TJP3: variants seen among roughly 807,000 people sequenced by gnomAD.
TJP3 encodes tight junction protein ZO-3.
TJP3 carries 85 observed loss-of-function variants against 104.2 expected under a neutral mutation model. The ratio of observed to expected loss-of-function variants is 0.82; its 90% CI spans 0.68 to 0.98. The LOEUF is 0.98. TJP3 is among the 50% of genes least tolerant of loss of function. The probability of loss-of-function intolerance (pLI) is 0.00; values close to 1 mark genes in which losing one functional copy is unlikely to be tolerated. For synonymous variants in TJP3, 550 were observed against 550.6 expected (o/e 1.00, Z 0.02); for missense variants, 1,367 against 1,322.8 (o/e 1.03, Z -0.52).
rs199978081 is a variant in TJP3, at chr19:3,748,062, C to G, written c.2591C>G (p.Ser864Trp). 2 of 1,576,014 alleles carry G rather than the reference C, an allele frequency of 1.3e-6. No homozygotes were observed. Among genetic ancestry groups the G allele is most frequent in the Non-Finnish European group, 1.7e-6 (2 of 1,160,844 alleles). ...SQSPRDRGRI[S>W]AHQGAQVDSR... Reference sequence around the variant, plus strand: ...AGCCCGAGGGATCGTGGGAGAATCTCGGCTCATCAGGGGGCCCAGGTGCGT... The same window carrying G: ...AGCCCGAGGGATCGTGGGAGAATCTGGGCTCATCAGGGGGCCCAGGTGCGT... Residue 864 changes from serine to tryptophan, a missense_variant, in exon 19 of 21, where the codon TCG (serine) becomes TGG (tryptophan). Coordinates refer to ENST00000541714, the MANE Select transcript of TJP3 (RefSeq NM_001267560.2).
At chr19:3,708,824 C>A (rs563204186) in intron 1 of TJP3, among the ~76,000 whole-genome samples, 1 of 152,250 alleles carries the variant, frequency 6.6e-6, no homozygotes, top group East Asian at 1.9e-4. Flanking sequence ...ACCTAGGTGG[C>A]GCAGGGACCG....
chr19:3,728,922 G>C (rs143712840), intron 3 of TJP3, among the ~76,000 whole-genome samples: 2 of 152,124 alleles, frequency 1.3e-5, no homozygotes, highest in Non-Finnish European at 2.9e-5. Flanking sequence ...ATGTGGTAGC[G>C]TGTTCCTGTA....
intron 1 of TJP3, among the ~76,000 whole-genome samples, chr19:3,726,554 G>A (rs554895119): frequency 1.3e-5 from 2 of 151,966 alleles, no homozygotes; most frequent in African/African-American, 4.8e-5. Flanking sequence ...AGCCAAGTTG[G>A]CACCATTGCA....
chr19:3,730,593 G>T lies in TJP3; in HGVS notation c.500G>T (p.Gly167Val). The T allele has an allele frequency of 6.2e-7, 1 of 1,610,830 alleles. No homozygotes were observed. Among genetic ancestry groups the T allele is most frequent in the Non-Finnish European group, 8.5e-7 (1 of 1,179,724 alleles). ...AGSHGRRSPG[G>V]GSEANGLALV... Reference sequence around the variant, plus strand: ...AGCCATGGGCGTAGGAGCCCAGGTGGTGGCTCTGAGGCCAACGGGCTGGCC... The same window carrying T: ...AGCCATGGGCGTAGGAGCCCAGGTGTTGGCTCTGAGGCCAACGGGCTGGCC... Residue 167 changes from glycine (G) to valine (V), a missense_variant, in exon 5 of 21, where the codon GGT becomes GTT. Transcript: ENST00000541714. The surrounding 1 kb of genome is among the most constrained non-coding windows in gnomAD (Gnocchi z 7.3).
rs1011375631 is a variant in TJP3, at chr19:3,728,439, G to A, written c.7G>A (p.Glu3Lys). ...CCTCGACCAGGTGGCTGACATGGAG[G>A]AGCTGACCATCTGGGAACAGCACAC... ME[E>K]LTIWEQHTAT... Residue 3 changes from glutamate to lysine, a missense_variant, in exon 2 of 21, where the codon GAG becomes AAG. Glu to Lys is a moderately conservative substitution (Grantham distance 56). Coordinates refer to ENST00000541714, the MANE Select transcript of TJP3 (RefSeq NM_001267560.2). 1.9e-6 allele frequency: 3 copies of A among 1,613,976 alleles called. No individual in the cohort carries two copies. The African/African-American group carries it at 4.0e-5, about 22-fold the overall frequency.
At chr19:3,721,555 G>T (rs1000117214) in intron 1 of TJP3, 1 of 203,376 alleles carries the variant, frequency 4.9e-6, no homozygotes, top group South Asian at 1.9e-4. Context: ...TTGTCGGGCC[G>T]GGCTCTGGCC....
At chr19:3,711,630 C>T (rs145546488) in intron 1 of TJP3, among the ~76,000 whole-genome samples, 2,471 of 149,210 alleles carry the variant, frequency 0.017, 62 homozygotes, top group African/African-American at 0.054. Flanking sequence ...CGGTGGCTCA[C>T]GCCTGTAATC....
chr19:3,750,796 C>A lies in TJP3; in HGVS notation c.*112C>A. 1 of 1,074,106 alleles carries A rather than the reference C, an allele frequency of 9.3e-7. No homozygotes were observed. 66.5% of individuals were successfully genotyped at this position (1,074,106 alleles called of 1,614,324 possible). On this transcript the variant is annotated 3_prime_UTR_variant, in exon 21 of 21. Coordinates refer to ENST00000541714, the MANE Select transcript of TJP3 (RefSeq NM_001267560.2). Reference sequence around the variant, plus strand: ...CTCCCTCCGCCTGGTCTTTAATAAACAGAGTATTTTCACAGCACCGGCTTC... The same window carrying A: ...CTCCCTCCGCCTGGTCTTTAATAAAAAGAGTATTTTCACAGCACCGGCTTC...
chr19:3,710,224 A>G lies in TJP3; in HGVS notation c.-10+1663A>G, dbSNP rs116485048. Among the ~76,000 whole-genome samples the G allele has an allele frequency of 6.8e-3, 1,027 of 151,836 alleles. 21 individuals are homozygous for G. Among genetic ancestry groups the G allele is most frequent in the African/African-American group, 0.024 (990 of 41,366 alleles). On this transcript the variant is annotated intron_variant, in intron 1 of 20. Coordinates refer to ENST00000541714, the MANE Select transcript of TJP3 (RefSeq NM_001267560.2). ...AGGGCTGTTGAGTGCCGGATGTAAT[A>G]AAGCGGGTAACAGATTCTCGGTCAT...
At chr19:3,716,801 A>ATATATATT (rs1421328174) in intron 1 of TJP3, among the ~76,000 whole-genome samples, 4 of 81,934 alleles carry the variant, frequency 4.9e-5, no homozygotes, top group African/African-American at 2.0e-4. Context: ...ATATATATAT[A>ATATATATT]TTTTTTTTTT....
At chr19:3,750,218 A>C (rs1266225323) in intron 20 of TJP3, 34 bp downstream of exon 20, 1 of 1,613,250 alleles carries the variant, frequency 6.2e-7, no homozygotes, top group Admixed American at 1.7e-5. Context: ...GGGGCCCTCA[A>C]CCCTTCCCTT....
Position 3,730,718 on chromosome 19 carries a change from C to A in TJP3, c.613+12C>A, listed in dbSNP as rs184725119. 4 of 1,601,008 alleles carry A rather than the reference C, an allele frequency of 2.5e-6. No individual in the cohort carries two copies. In the Admixed American group the frequency reaches 5.0e-5, roughly 20 times the overall value. Reference sequence around the variant, plus strand: ...GAGAGACAGCGAAGGTCAGAAGAGGCGGGAGGTCGGACACGATCAGTACTG... The same window carrying A: ...GAGAGACAGCGAAGGTCAGAAGAGGAGGGAGGTCGGACACGATCAGTACTG... On this transcript the variant is annotated intron_variant, in intron 5 of 20. Coordinates refer to ENST00000541714, the MANE Select transcript of TJP3 (RefSeq NM_001267560.2). The surrounding 1 kb of genome is among the most constrained non-coding windows in gnomAD (Gnocchi z 7.3).
intron 1 of TJP3, among the ~76,000 whole-genome samples, chr19:3,710,739 C>A (rs962688940): frequency 1.3e-5 from 2 of 151,642 alleles, no homozygotes. Flanking sequence ...AGTGTGGGGT[C>A]ACCAGGCCTT....
intron 1 of TJP3, among the ~76,000 whole-genome samples, chr19:3,728,095 C>G (rs2036619264): frequency 6.6e-6 from 1 of 151,858 alleles, no homozygotes; most frequent in South Asian, 2.1e-4. Context: ...TAAAGATTAG[C>G]CAGGTGTGGT....
chr19:3,714,413 C>T (rs1462477679), intron 1 of TJP3, among the ~76,000 whole-genome samples: 3 of 151,464 alleles, frequency 2.0e-5, no homozygotes, highest in Admixed American at 6.6e-5. Context: ...CTCCCGACCT[C>T]GTGATCCACC....
intron 15 of TJP3, 52 bp downstream of exon 15, chr19:3,744,086 GT>G (rs752115494): frequency 1.3e-6 from 2 of 1,553,252 alleles, no homozygotes; most frequent in Non-Finnish European, 8.9e-7. Context: ...TTTCACAACT[GT>G]TTTTTTGTGG....
rs191737151 is a variant in TJP3, at chr19:3,726,846, G to A, written c.-9-1578G>A. Among the ~76,000 whole-genome samples the A allele has an allele frequency of 1.8e-3, 267 of 151,768 alleles. 1 individual carries two copies. The highest frequency in any genetic ancestry group is 5.6e-3 in the African/African-American group (232 of 41,398). The stretch of plus-strand genomic sequence containing the variant: ...CACACTTGTAATCCCAGCACTTTGG[G>A]AGGCCAAGGCTGGAGAATCACTTGA... On this transcript the variant is annotated intron_variant, in intron 1 of 20. Coordinates refer to ENST00000541714, the MANE Select transcript of TJP3 (RefSeq NM_001267560.2).
intron 11 of TJP3, among the ~76,000 whole-genome samples, chr19:3,737,518 C>T (rs1383306567): frequency 6.6e-6 from 1 of 152,136 alleles, no homozygotes; most frequent in Non-Finnish European, 1.5e-5. Flanking sequence ...ATAACTACCT[C>T]CAGGATCCAC....
chr19:3,720,703 G>A (rs2036532987), intron 1 of TJP3, among the ~76,000 whole-genome samples: 1 of 151,786 alleles, frequency 6.6e-6, no homozygotes, highest in African/African-American at 2.4e-5. Flanking sequence ...TCCTACCCTG[G>A]TCCAGTCCCT....
Sources: allele counts gnomAD v4.1 joint callset (sites outside exome capture counted in the v4.1 genomes callset), GRCh38; gene constraint gnomAD v4.1.1; non-coding constraint Gnocchi (gnomAD v3.1); transcripts MANE v1.5; gene names NCBI Gene and HGNC (gene_info 2026-07-23, HGNC 2026-07-21).